The following PCBP3 variants were observed in gnomAD, a reference collection of about 807,000 sequenced individuals.
PCBP3 encodes poly(rC) binding protein 3.
In PCBP3, 25 loss-of-function variants were observed where a neutral mutation model predicts 52.7. The ratio of observed to expected loss-of-function variants is 0.47; its 90% CI spans 0.35 to 0.66. The LOEUF (loss-of-function observed/expected upper bound fraction) is 0.66, where lower values mean the gene tolerates loss of function less well. PCBP3 is among the 30% of genes least tolerant of loss of function. PCBP3 has a pLI of 0.01. For missense variants in PCBP3, 391 were observed against 490.3 expected (o/e 0.80, Z 1.91); for synonymous variants, 162 against 183.0 (o/e 0.89, Z 0.93).
intron 1 of PCBP3, among the ~76,000 whole-genome samples, chr21:45,649,068 G>A (rs776526193): frequency 9.9e-5 from 15 of 152,172 alleles, no homozygotes; most frequent in African/African-American, 2.7e-4. Context: ...AGACATACCC[G>A]AGACTGGGCA....
chr21:45,703,080 T>C (rs2148002977), intron 2 of PCBP3, among the ~76,000 whole-genome samples: 1 of 152,254 alleles, frequency 6.6e-6, no homozygotes, highest in African/African-American at 2.4e-5. Flanking sequence ...CAGGCTCCAC[T>C]TCTAATTCTA....
chr21:45,869,393 G>A (rs1198210096), intron 5 of PCBP3: 1 of 151,754 alleles, frequency 6.6e-6, no homozygotes, highest in South Asian at 2.1e-4. Flanking sequence ...CAGACCCCTC[G>A]GGCACCCTGG....
chr21:45,753,949 T>G (rs887465451), intron 3 of PCBP3, among the ~76,000 whole-genome samples: 30 of 152,346 alleles, frequency 2.0e-4, no homozygotes, highest in African/African-American at 6.7e-4. Context: ...ACTATTTGTT[T>G]CCACTTTTAC....
intron 4 of PCBP3, among the ~76,000 whole-genome samples, chr21:45,766,022 A>G (rs1048891926): frequency 6.6e-6 from 1 of 152,180 alleles, no homozygotes; most frequent in Non-Finnish European, 1.5e-5. Context: ...AAATGTGGAA[A>G]TGTTGGCACA....
chr21:45,824,192 AGT>A (rs1451507213), intron 4 of PCBP3, among the ~76,000 whole-genome samples: 1 of 152,154 alleles, frequency 6.6e-6, no homozygotes, highest in East Asian at 1.9e-4. Flanking sequence ...GCCTCCTGGG[AGT>A]CCTGCCTCCT....
At chr21:45,774,267 C>T (rs931722107) in intron 4 of PCBP3, among the ~76,000 whole-genome samples, 71 of 151,546 alleles carry the variant, frequency 4.7e-4, no homozygotes, top group African/African-American at 1.5e-3. Context: ...ATTAGCTGGG[C>T]GTGGTGGTGC....
intron 4 of PCBP3, among the ~76,000 whole-genome samples, chr21:45,807,092 G>A (rs1165307599): frequency 3.9e-5 from 6 of 152,136 alleles, no homozygotes; most frequent in African/African-American, 1.4e-4. Flanking sequence ...ACACGAATGG[G>A]CAAAAGCTGG....
rs554263968 is a variant in PCBP3, at chr21:45,896,221, G to A, written c.24G>A (p.Trp8Ter). The change falls in exon 6 of 18, where the codon TGG becomes TGA. Residue 8 changes from tryptophan (W) to a stop codon, truncating the protein, a stop_gained. Coordinates refer to ENST00000681687, the MANE Select transcript of PCBP3 (RefSeq NM_001384156.1). LOFTEE classifies it high-confidence loss of function. ...TTCTCTCTCCAGGTGACGCCTTCTGGGCCCCATCTGTCCTTCCTCACAGCA... is the reference window on the plus strand; with the variant it reads ...TTCTCTCTCCAGGTGACGCCTTCTGAGCCCCATCTGTCCTTCCTCACAGCA... MGEGDAF[W>*]APSVLPHSTL... The A allele has an allele frequency of 4.5e-6, 7 of 1,551,820 alleles. No homozygotes were observed. The highest frequency in any genetic ancestry group is 2.0e-5 in the Admixed American group (1 of 51,006).
chr21:45,778,706 G>A (rs1429468760), intron 4 of PCBP3, among the ~76,000 whole-genome samples: 1 of 152,210 alleles, frequency 6.6e-6, no homozygotes, highest in Non-Finnish European at 1.5e-5. Flanking sequence ...GTTGGGCAAT[G>A]CCTGGGACCC....
chr21:45,939,981 G>T, intron 16 of PCBP3, 49 bp from the exon 17 acceptor site: 1 of 1,561,056 alleles, frequency 6.4e-7, no homozygotes, highest in Non-Finnish European at 8.8e-7. Flanking sequence ...CAGTCTTCAG[G>T]GGCTGGCTTG....
At chr21:45,812,137 T>C (rs1480220687) in intron 4 of PCBP3, among the ~76,000 whole-genome samples, 1 of 152,218 alleles carries the variant, frequency 6.6e-6, no homozygotes, top group Non-Finnish European at 1.5e-5. Context: ...CTGCTCCTTT[T>C]TGGGGAGGTC....
At chr21:45,685,025 A>G (rs1203436075) in intron 2 of PCBP3, among the ~76,000 whole-genome samples, 1 of 152,214 alleles carries the variant, frequency 6.6e-6, no homozygotes, top group Non-Finnish European at 1.5e-5. Context: ...ACTGTCTACC[A>G]TATCAGCTTG....
chr21:45,772,566 T>G (rs943385478), intron 4 of PCBP3, among the ~76,000 whole-genome samples: 18 of 152,206 alleles, frequency 1.2e-4, no homozygotes, highest in Admixed American at 7.9e-4. Context: ...TTTATTTCCT[T>G]TGGGTAGATA....
intron 2 of PCBP3, among the ~76,000 whole-genome samples, chr21:45,687,795 A>T (rs1211919060): frequency 6.6e-6 from 1 of 151,064 alleles, no homozygotes; most frequent in Non-Finnish European, 1.5e-5. Flanking sequence ...CAGTGGCATG[A>T]TCTCCACTCA....
intron 4 of PCBP3, among the ~76,000 whole-genome samples, chr21:45,809,786 G>GT (rs2092627556): frequency 1.3e-5 from 2 of 152,274 alleles, no homozygotes; most frequent in South Asian, 4.1e-4. Flanking sequence ...GATGAGGTTT[G>GT]GGGGGCAGAA....
chr21:45,814,914 GTGA>G (rs1311612716), intron 4 of PCBP3, among the ~76,000 whole-genome samples: 41 of 136,634 alleles, frequency 3.0e-4, no homozygotes, highest in East Asian at 4.7e-4. Context: ...TGAGTGGTGA[GTGA>G]TGAGTGAGTG....
intron 1 of PCBP3, among the ~76,000 whole-genome samples, chr21:45,664,605 AT>A (rs562574244): frequency 0.029 from 4,165 of 144,828 alleles, 178 homozygotes; most frequent in African/African-American, 0.094. Context: ...ATTTTTTTTA[AT>A]TTTTTTTTTC....
At chr21:45,662,990 A>C (rs2080514639) in intron 1 of PCBP3, among the ~76,000 whole-genome samples, 1 of 152,206 alleles carries the variant, frequency 6.6e-6, no homozygotes, top group Non-Finnish European at 1.5e-5. Context: ...GCCTGCCCAC[A>C]GTTATCTGGA....
rs34237544 is a variant in PCBP3, at chr21:45,795,315, CT to C, written c.-126+39876del. 8.6e-3 allele frequency among the ~76,000 whole-genome samples: 1,253 copies of C among 145,366 alleles called. 10 individuals are homozygous for C. The highest frequency in any genetic ancestry group is 0.023 in the African/African-American group (906 of 39,572). ...AGAGGACACTTGTCTTCTTCTTTTT[CT>C]TTTTTTTTTTTTCCCCTTTCCTTTC... On this transcript the variant is annotated intron_variant, in intron 4 of 17. Coordinates refer to ENST00000681687, the MANE Select transcript of PCBP3 (RefSeq NM_001384156.1).
Sources: allele counts gnomAD v4.1 joint callset (sites outside exome capture counted in the v4.1 genomes callset), GRCh38; gene constraint gnomAD v4.1.1; transcripts MANE v1.5; gene names NCBI Gene and HGNC (gene_info 2026-07-23, HGNC 2026-07-21).